Variants in TTC27 observed in about 807,000 individuals in gnomAD.
TTC27 encodes the protein tetratricopeptide repeat domain 27.
In TTC27, 79 loss-of-function variants were observed where a neutral mutation model predicts 115.9. The ratio of observed to expected loss-of-function variants is 0.68; its 90% CI spans 0.57 to 0.82. The LOEUF is 0.82. Ranked by LOEUF, TTC27 falls within the 40% of genes least tolerant of loss-of-function variation. TTC27 has a pLI of 0.00. For missense variants in TTC27, 1,054 were observed against 993.1 expected, an observed-to-expected ratio of 1.06 and a Z score of -0.82; for synonymous variants, 401 against 356.0, an observed-to-expected ratio of 1.13 and a Z score of -1.42.
In TTC27 at chr2:32,689,999, C is replaced by T. The variant is rs117884399; in HGVS notation, c.1119+11077C>T. 3.6e-4 allele frequency among the ~76,000 whole-genome samples: 55 copies of T among 152,162 alleles called. No individual in the cohort carries two copies. In the East Asian group the frequency reaches 6.6e-3, roughly 18 times the overall value. ...TATTGGTCATGTGGCAAAATATTAA[C>T]ATTTGGGGAACTGGGTGAAGGATAT... On this transcript the variant is annotated intron_variant, in intron 9 of 19. Transcript: ENST00000317907.
At chr2:32,802,739 T>G (rs1218120293) in intron 16 of TTC27, among the ~76,000 whole-genome samples, 1 of 152,200 alleles carries the variant, frequency 6.6e-6, no homozygotes, top group Non-Finnish European at 1.5e-5. Flanking sequence ...TCATCTTCCC[T>G]TCTCTGTGAG....
chr2:32,733,262 G>A (rs1048947748), intron 10 of TTC27, among the ~76,000 whole-genome samples: 1 of 152,138 alleles, frequency 6.6e-6, no homozygotes, highest in Non-Finnish European at 1.5e-5. Context: ...TACATCAGAG[G>A]GATTCTTTCA....
chr2:32,812,389 C>T, intron 17 of TTC27, 115 bp from the exon 18 acceptor site: 2 of 753,894 alleles, frequency 2.7e-6, no homozygotes, highest in South Asian at 3.3e-5. Flanking sequence ...CTGTGCTGTA[C>T]AACACAGATG....
At chr2:32,814,932 A>C (rs185279228) in intron 18 of TTC27, among the ~76,000 whole-genome samples, 150 of 152,238 alleles carry the variant, frequency 9.9e-4, no homozygotes, top group African/African-American at 3.5e-3. Flanking sequence ...ATTTTTAAAA[A>C]TCTCCACATG....
intron 10 of TTC27, among the ~76,000 whole-genome samples, chr2:32,723,231 T>C (rs1315949879): frequency 4.6e-5 from 7 of 152,162 alleles, no homozygotes; most frequent in Non-Finnish European, 1.0e-4. Flanking sequence ...ATTACGGTGA[T>C]TGAATTCATG....
chr2:32,650,701 A>G (rs1665086764), intron 5 of TTC27, among the ~76,000 whole-genome samples: 1 of 152,190 alleles, frequency 6.6e-6, no homozygotes, highest in South Asian at 2.1e-4. Flanking sequence ...AGAAAAGCGT[A>G]AGAAAACAGT....
rs146524872 is a variant in TTC27 at position 32,762,467 on chromosome 2, A to G, written c.1680+3948A>G. Among the ~76,000 whole-genome samples, 37 of 152,288 alleles carry G rather than the reference A, an allele frequency of 2.4e-4. No individual in the cohort carries two copies. The East Asian group carries it at 6.4e-3, about 26-fold the overall frequency. On this transcript the variant is annotated intron_variant, in intron 13 of 19. Coordinates refer to ENST00000317907, the MANE Select transcript of TTC27 (RefSeq NM_017735.5). ...CTAAACCGTTGGGTTTTTATTTGAC[A>G]GATAGCCATTAAAGGGTTGATTTCT...
chr2:32,765,251 T>G (rs751020388), intron 13 of TTC27, among the ~76,000 whole-genome samples: 11 of 152,208 alleles, frequency 7.2e-5, no homozygotes, highest in Non-Finnish European at 1.3e-4. Flanking sequence ...TGCGGAGTGG[T>G]TGTTGTGTTA....
chr2:32,666,616 A>G lies in TTC27; in HGVS notation c.806-19A>G. 6.2e-7 allele frequency: 1 copy of G among 1,613,244 alleles called. No individual in the cohort carries two copies. The highest frequency in any genetic ancestry group is 1.7e-4 in the Middle Eastern group (1 of 6,056). On this transcript the variant is annotated intron_variant, in intron 6 of 19. Coordinates refer to ENST00000317907, the MANE Select transcript of TTC27 (RefSeq NM_017735.5). ...ATCTCATGGGTAAGTCAGTAGATAT[A>G]ATTTTATTGTTTTTTCAGGTGCTTT...
intron 9 of TTC27, among the ~76,000 whole-genome samples, chr2:32,701,483 G>A (rs1572528880): frequency 1.3e-5 from 2 of 152,194 alleles, no homozygotes; most frequent in East Asian, 3.8e-4. Flanking sequence ...GCTATTAATA[G>A]AGGTGTGAGA....
At chr2:32,797,243 A>G (rs7582729) in intron 16 of TTC27, among the ~76,000 whole-genome samples, 25,527 of 151,296 alleles carry the variant, frequency 0.17, 2,637 homozygotes, top group South Asian at 0.33. Context: ...GCATGATCAT[A>G]GCTTACTGCC....
Position 32,633,960 on chromosome 2 carries a change from C to A in TTC27, c.351C>A (p.His117Gln). 6.2e-7 allele frequency: 1 copy of A among 1,613,916 alleles called. No homozygotes were observed. Among genetic ancestry groups the A allele is most frequent in the Non-Finnish European group, 8.5e-7 (1 of 1,179,906 alleles). The change falls in exon 3 of 20, where the codon CAC becomes CAA. Residue 117 changes from histidine to glutamine, a missense_variant. Physicochemically the swap from His to Gln is conservative, Grantham distance 24 (BLOSUM62 0). Transcript: ENST00000317907. The part of the protein sequence containing the change: ...SNWTGPPVDL[H>Q]PQDFLSSVLF... ...GGACGGGGCCCCCTGTTGACTTACA[C>A]CCTCAGGACTTTTTGTCATCTGTTT... is the stretch of plus-strand genomic sequence containing the variant.
intron 10 of TTC27, among the ~76,000 whole-genome samples, chr2:32,715,062 AG>A (rs1667709863): frequency 6.6e-6 from 1 of 151,858 alleles, no homozygotes; most frequent in African/African-American, 2.4e-5. Context: ...GTTGTGCAAA[AG>A]CTCTTTTGTT....
intron 10 of TTC27, among the ~76,000 whole-genome samples, chr2:32,729,637 A>G (rs980902942): frequency 2.0e-5 from 3 of 152,144 alleles, no homozygotes; most frequent in Non-Finnish European, 4.4e-5. Context: ...TAGTCCATGC[A>G]ACATGAAGTC....
At chr2:32,684,753 G>A (rs1387188567) in intron 9 of TTC27, among the ~76,000 whole-genome samples, 3 of 151,824 alleles carry the variant, frequency 2.0e-5, no homozygotes, top group Non-Finnish European at 4.4e-5. Context: ...ATTAGTGCTT[G>A]TACTTTTGAT....
At chr2:32,663,896 G>T (rs1325659449) in intron 5 of TTC27, among the ~76,000 whole-genome samples, 9 of 152,044 alleles carry the variant, frequency 5.9e-5, no homozygotes, top group South Asian at 2.1e-4. Flanking sequence ...TGTTGGTCAG[G>T]CTGGTCTCGA....
chr2:32,658,025 C>T (rs1252884987), intron 5 of TTC27, among the ~76,000 whole-genome samples: 2 of 152,182 alleles, frequency 1.3e-5, no homozygotes, highest in Non-Finnish European at 2.9e-5. Context: ...GACAGGGTTT[C>T]ACCATGTTGG....
Position 32,730,150 on chromosome 2 carries a change from G to A in TTC27, c.1234-3678G>A, listed in dbSNP as rs142413203. Among the ~76,000 whole-genome samples the A allele has an allele frequency of 4.0e-3, 611 of 152,190 alleles. 7 individuals carry two copies. Among genetic ancestry groups the A allele is most frequent in the Non-Finnish European group, 4.1e-3 (281 of 68,018 alleles). On this transcript the variant is annotated intron_variant, in intron 10 of 19. Coordinates refer to ENST00000317907, the MANE Select transcript of TTC27 (RefSeq NM_017735.5). ...CCATTGTCTTCTTCCAGGCTATTTG[G>A]GCACATGGTTTGCTTCTAATGAATG...
At chr2:32,727,154 G>A (rs748115506) in intron 10 of TTC27, among the ~76,000 whole-genome samples, 4 of 152,018 alleles carry the variant, frequency 2.6e-5, no homozygotes, top group Non-Finnish European at 2.9e-5. Flanking sequence ...TGAGAGTTTC[G>A]GAAAACCTCT....
Sources: allele counts gnomAD v4.1 joint callset (sites outside exome capture counted in the v4.1 genomes callset), GRCh38; gene constraint gnomAD v4.1.1; transcripts MANE v1.5; gene names NCBI Gene and HGNC (gene_info 2026-07-23, HGNC 2026-07-21).